PPP2R2B: variants seen among roughly 807,000 people sequenced by gnomAD.
PPP2R2B encodes the protein protein phosphatase 2 regulatory subunit Bbeta, also known as serine/threonine-protein phosphatase 2A 55 kDa regulatory subunit B beta isoform.
PPP2R2B carries 5 observed loss-of-function variants against 46.0 expected under a neutral mutation model. That is an observed-to-expected ratio of 0.11 (90% CI 0.06 to 0.23). The LOEUF (loss-of-function observed/expected upper bound fraction) is 0.23. PPP2R2B is among the 10% of genes least tolerant of loss of function. The pLI is 1.00. For missense variants in PPP2R2B, 367 were observed against 575.0 expected (o/e 0.64, Z 3.70); for synonymous variants, 215 against 206.7 (o/e 1.04, Z -0.34).
chr5:146,994,643 A>G (rs1753846473), intron 1 of PPP2R2B, among the ~76,000 whole-genome samples: 1 of 152,138 alleles, frequency 6.6e-6, no homozygotes, highest in Admixed American at 6.5e-5. Flanking sequence ...GGCTGCTCCC[A>G]GGAGTGTTAA....
intron 2 of PPP2R2B, among the ~76,000 whole-genome samples, chr5:146,876,343 C>T (rs1032851723): frequency 2.0e-5 from 3 of 152,222 alleles, no homozygotes; most frequent in Non-Finnish European, 4.4e-5. Context: ...CATAGCTCCA[C>T]TCTGGGCATT....
intron 5 of PPP2R2B, among the ~76,000 whole-genome samples, chr5:146,677,476 T>C (rs1186167040): frequency 6.6e-6 from 1 of 152,048 alleles, no homozygotes; most frequent in African/African-American, 2.4e-5. Flanking sequence ...TTTTTCACAT[T>C]AATGGTATCA....
At chr5:146,768,796 G>A (rs183290899) in intron 2 of PPP2R2B, among the ~76,000 whole-genome samples, 16 of 152,062 alleles carry the variant, frequency 1.1e-4, no homozygotes, top group African/African-American at 1.7e-4. Context: ...ATTTGCTGTC[G>A]CATCTGCCTA....
At chr5:146,913,199 A>G (rs1268508517) in intron 1 of PPP2R2B, among the ~76,000 whole-genome samples, 1 of 152,238 alleles carries the variant, frequency 6.6e-6, no homozygotes, top group Admixed American at 6.5e-5. Context: ...TGCTTAAAAC[A>G]GAAACAGTGC....
chr5:147,036,521 G>T (rs1303511174), intron 1 of PPP2R2B, among the ~76,000 whole-genome samples: 1 of 152,084 alleles, frequency 6.6e-6, no homozygotes, highest in Non-Finnish European at 1.5e-5. Flanking sequence ...ATTCATTTGG[G>T]TATATACCCA....
intron 1 of PPP2R2B, among the ~76,000 whole-genome samples, chr5:147,041,275 C>T (rs1429532106): frequency 1.3e-5 from 2 of 152,166 alleles, no homozygotes; most frequent in Non-Finnish European, 2.9e-5. Context: ...GTGCCCTCCT[C>T]TCCTCACAGG....
intron 6 of PPP2R2B, among the ~76,000 whole-genome samples, chr5:146,644,742 T>C (rs1471457122): frequency 1.3e-5 from 2 of 152,200 alleles, no homozygotes; most frequent in African/African-American, 4.8e-5. Flanking sequence ...CCTATCAGCC[T>C]CTAAGAATTT....
At chr5:147,053,731 T>C (rs1206367797) in intron 1 of PPP2R2B, among the ~76,000 whole-genome samples, 1 of 152,124 alleles carries the variant, frequency 6.6e-6, no homozygotes, top group East Asian at 1.9e-4. Context: ...ACGTGGGGCA[T>C]GGGACTCAAA....
At chr5:147,033,618 G>A (rs1755898603) in intron 1 of PPP2R2B, among the ~76,000 whole-genome samples, 1 of 152,044 alleles carries the variant, frequency 6.6e-6, no homozygotes, top group African/African-American at 2.4e-5. Context: ...TGGTGGGTTG[G>A]GAGGTAATGA....
intron 2 of PPP2R2B, among the ~76,000 whole-genome samples, chr5:147,066,348 GTATTAGCTAA>G (rs1263200938): frequency 5.9e-5 from 9 of 152,152 alleles, no homozygotes; most frequent in Non-Finnish European, 1.0e-4. Flanking sequence ...TTCTTTACAT[GTATTAGCTAA>G]TTTAATCCTC....
intron 2 of PPP2R2B, among the ~76,000 whole-genome samples, chr5:147,064,167 G>C (rs1241909684): frequency 6.6e-6 from 1 of 152,174 alleles, no homozygotes; most frequent in Non-Finnish European, 1.5e-5. Context: ...GTACTCATCA[G>C]TTCCTCTACA....
At chr5:146,844,707 T>C (rs1759879375) in intron 2 of PPP2R2B, among the ~76,000 whole-genome samples, 1 of 152,250 alleles carries the variant, frequency 6.6e-6, no homozygotes, top group Non-Finnish European at 1.5e-5. Context: ...CAAAGCCAGC[T>C]GGGTTTAGCA....
intron 1 of PPP2R2B, among the ~76,000 whole-genome samples, chr5:147,014,436 C>T (rs865845606): frequency 2.3e-3 from 345 of 151,750 alleles, no homozygotes; most frequent in African/African-American, 7.8e-3. Context: ...CACATGCACA[C>T]GTATGTTTAT....
At chr5:146,921,777 TAGAAAGGCATCTTAAGA>T (rs1763616862) in intron 1 of PPP2R2B, among the ~76,000 whole-genome samples, 1 of 152,178 alleles carries the variant, frequency 6.6e-6, no homozygotes, top group African/African-American at 2.4e-5. Flanking sequence ...CCTCCTCCCC[TAGAAAGGCATCTTAAGA>T]ACAGAGACCA....
At chr5:146,699,286 T>TTCACTCCTGGAGC (rs1779397856) in intron 3 of PPP2R2B, among the ~76,000 whole-genome samples, 2 of 152,168 alleles carry the variant, frequency 1.3e-5, no homozygotes, top group Admixed American at 1.3e-4. Flanking sequence ...CTCCTGAGAA[T>TTCACTCCTGGAGC]TCACTCCTGG....
chr5:146,690,229 C>T (rs1259667777), intron 5 of PPP2R2B, among the ~76,000 whole-genome samples: 2 of 152,178 alleles, frequency 1.3e-5, no homozygotes, highest in Non-Finnish European at 2.9e-5. Flanking sequence ...CTTTACTGCT[C>T]ACATTGAACA....
chr5:146,879,173 G>T (rs1406643597), upstream of PPP2R2B: 1 of 154,052 alleles, frequency 6.5e-6, no homozygotes, highest in African/African-American at 2.4e-5. Flanking sequence ...TTTAAAGGGC[G>T]AGGTTTGGGG....
intron 2 of PPP2R2B, among the ~76,000 whole-genome samples, chr5:146,849,190 C>T (rs1395641972): frequency 2.6e-5 from 4 of 152,146 alleles, no homozygotes; most frequent in African/African-American, 9.7e-5. Flanking sequence ...GTGCTAGTTG[C>T]TACTGGGATG....
chr5:146,712,428 C>T (rs1780264024), intron 2 of PPP2R2B, among the ~76,000 whole-genome samples: 3 of 152,220 alleles, frequency 2.0e-5, no homozygotes, highest in Admixed American at 2.0e-4. Flanking sequence ...AGCAGCAGGA[C>T]CCAATCTTTA....
Sources: allele counts gnomAD v4.1 joint callset (sites outside exome capture counted in the v4.1 genomes callset), GRCh38; gene constraint gnomAD v4.1.1; transcripts MANE v1.5; gene names NCBI Gene and HGNC (gene_info 2026-07-23, HGNC 2026-07-21).